MED13: variants seen among roughly 807,000 people sequenced by gnomAD.
MED13 encodes mediator complex subunit 13.
MED13 carries 23 observed loss-of-function variants against 225.2 expected under a neutral mutation model. The observed-to-expected ratio is 0.10, with a 90% confidence interval of 0.07 to 0.14. The LOEUF (loss-of-function observed/expected upper bound fraction) is 0.14, where lower values mean the gene tolerates loss of function less well. Among genes scored for constraint, MED13 ranks in the 10% least tolerant of loss-of-function variants. The pLI is 1.00. For missense variants in MED13, 2,197 were observed against 2,594.5 expected, an observed-to-expected ratio of 0.85 and a Z score of 3.33; for synonymous variants, 942 against 889.2, an observed-to-expected ratio of 1.06 and a Z score of -1.06.
At chr17:61,948,948 C>T (rs187325081) in intron 28 of MED13, among the ~76,000 whole-genome samples, 3 of 151,348 alleles carry the variant, frequency 2.0e-5, no homozygotes, top group African/African-American at 4.8e-5. Context: ...ATTAGCCGGG[C>T]GTAGTGGCGG....
intron 9 of MED13, among the ~76,000 whole-genome samples, chr17:61,995,989 G>C (rs527875071): frequency 3.7e-4 from 56 of 152,208 alleles, no homozygotes; most frequent in African/African-American, 1.2e-3. Context: ...TAAGTTATTA[G>C]TCTTCTGGTT....
chr17:62,001,018 T>C (rs928184906), intron 9 of MED13, among the ~76,000 whole-genome samples: 1 of 152,128 alleles, frequency 6.6e-6, no homozygotes, highest in Non-Finnish European at 1.5e-5. Context: ...CACCTCGGCC[T>C]CCCAAAGTGC....
rs2143263006 is a variant in MED13, at chr17:61,945,400, C to T, written c.*1068G>A. 1 of 152,610 alleles carries T rather than the reference C, an allele frequency of 6.6e-6. No individual in the cohort carries two copies. Among genetic ancestry groups the T allele is most frequent in the South Asian group, 2.1e-4 (1 of 4,818 alleles). The allele number at this position is 152,610 out of a possible 1,614,324, so 9.5% of individuals were successfully genotyped here. A position where few individuals can be genotyped will look rare whatever the true frequency, so the allele number is the denominator to read the frequency against. On this transcript the variant is annotated 3_prime_UTR_variant, in exon 30 of 30. Transcript: ENST00000397786. ...GAAAATAAATTTCATAATAATATTT[C>T]CATGCCTAAATATGCCACTGTTAAA...
At chr17:61,981,057 C>T (rs12450995) in intron 16 of MED13, among the ~76,000 whole-genome samples, 55,962 of 149,848 alleles carry the variant, frequency 0.37, 12,891 homozygotes, top group East Asian at 0.72. Flanking sequence ...AGTTTCACTC[C>T]TGTTGCCCAG....
intron 9 of MED13, among the ~76,000 whole-genome samples, chr17:62,001,430 C>G (rs1392819546): frequency 6.6e-6 from 1 of 152,176 alleles, no homozygotes; most frequent in African/African-American, 2.4e-5. Context: ...TTCAAGCAAC[C>G]TTTCAATAAC....
chr17:62,034,006 C>G, intron 4 of MED13, 22 bp from the exon 5 acceptor site: 2 of 1,597,042 alleles, frequency 1.3e-6, no homozygotes, highest in Non-Finnish European at 1.7e-6. Context: ...AAGCAGACAT[C>G]AAATAAGTAA....
Position 61,943,172 on chromosome 17 carries a change from A to T in MED13, c.*3296T>A, listed in dbSNP as rs1239044285. On this transcript the variant is annotated 3_prime_UTR_variant, in exon 30 of 30. Transcript: ENST00000397786. ...GGGACAAAATAAGAATGTATATTAA[A>T]AACATTTTTCCTTAATTCAGACAAA... The T allele has an allele frequency of 6.6e-6, 1 of 152,574 alleles. No homozygotes were observed. The highest frequency in any genetic ancestry group is 2.4e-5 in the African/African-American group (1 of 41,464). The allele number at this position is 152,574 out of a possible 1,614,324, so 9.5% of individuals were successfully genotyped here. A position where few individuals can be genotyped will look rare whatever the true frequency, so the allele number is the denominator to read the frequency against.
In MED13 at chr17:61,965,089, T is replaced by C. The variant is rs2080044031; in HGVS notation, c.4761A>G (p.Gln1587=). Residue 1587 remains glutamine, a synonymous_variant, in exon 20 of 30, where the codon CAA becomes CAG. Transcript: ENST00000397786. ...NTVQSGQLGG[Q]QTSALQTAGI... ...CAGCTGTCTGTAGAGCTGATGTCTG[T>C]TGCCCTCCTAGCTGACCACTCTGAA... The C allele has an allele frequency of 1.9e-6, 3 of 1,614,076 alleles. No individual in the cohort carries two copies. The highest frequency in any genetic ancestry group is 2.5e-6 in the Non-Finnish European group (3 of 1,180,024).
chr17:61,989,187 T>C (rs1220801878), intron 11 of MED13, among the ~76,000 whole-genome samples: 2 of 152,046 alleles, frequency 1.3e-5, no homozygotes, highest in East Asian at 1.9e-4. Flanking sequence ...ATTTTTTGTA[T>C]TATTAGTAGA....
chr17:61,963,222 A>G (rs1279809673), intron 20 of MED13, among the ~76,000 whole-genome samples: 1 of 144,490 alleles, frequency 6.9e-6, no homozygotes, highest in African/African-American at 2.7e-5. Context: ...AAAAAAAAAA[A>G]AAAAAAAAGA....
chr17:62,029,267 T>C (rs556027856), intron 8 of MED13: 5 of 430,648 alleles, frequency 1.2e-5, no homozygotes, highest in African/African-American at 4.0e-5. Context: ...ATACTATATA[T>C]ACCATAGCTC....
chr17:62,044,971 T>C (rs2080886534), intron 3 of MED13, among the ~76,000 whole-genome samples: 1 of 152,206 alleles, frequency 6.6e-6, no homozygotes, highest in African/African-American at 2.4e-5. Flanking sequence ...CTATATTGCC[T>C]TTTAAAATTG....
intron 12 of MED13, 34 bp from the exon 13 acceptor site, chr17:61,985,124 T>A (rs1353297425): frequency 6.5e-7 from 1 of 1,535,762 alleles, no homozygotes; most frequent in Non-Finnish European, 9.0e-7. Context: ...ATCTAAAATT[T>A]TACATCCAAT....
chr17:62,063,727 T>G (rs2081059691), intron 1 of MED13, among the ~76,000 whole-genome samples: 1 of 152,188 alleles, frequency 6.6e-6, no homozygotes, highest in East Asian at 1.9e-4. Flanking sequence ...ACGTCTCTAA[T>G]GAAAAGACAT....
chr17:62,015,908 C>CA (rs1301958288), intron 8 of MED13, among the ~76,000 whole-genome samples: 1 of 35,788 alleles, frequency 2.8e-5, no homozygotes, highest in African/African-American at 9.4e-5. Context: ...CACATACACA[C>CA]TATACACATA....
chr17:61,961,447 G>A, intron 22 of MED13, 141 bp downstream of exon 22: 1 of 739,342 alleles, frequency 1.4e-6, no homozygotes, highest in Non-Finnish European at 2.1e-6. Flanking sequence ...TTGAACCCAG[G>A]AGGCAGAGGT....
In MED13 at chr17:61,944,454, T is replaced by C. The variant is rs73334645; in HGVS notation, c.*2014A>G. ...TGTATTAGCATAATTTAAAAACAAA[T>C]GCAGAGAGGTGATCTTTAAATTTAA... On this transcript the variant is annotated 3_prime_UTR_variant, in exon 30 of 30. Coordinates refer to ENST00000397786, the MANE Select transcript of MED13 (RefSeq NM_005121.3). The C allele has an allele frequency of 6.4e-3, 969 of 151,302 alleles. 10 individuals carry two copies. The highest frequency in any genetic ancestry group is 0.022 in the African/African-American group (916 of 41,282). The allele number at this position is 151,302 out of a possible 1,614,324, so 9.4% of individuals were successfully genotyped here.
chr17:61,962,768 C>T lies in MED13; in HGVS notation c.5048G>A (p.Ser1683Asn), dbSNP rs2080013102. The T allele has an allele frequency of 1.2e-6, 2 of 1,613,846 alleles. No homozygotes were observed. The highest frequency in any genetic ancestry group is 2.2e-5 in the South Asian group (2 of 91,082). Residue 1683 changes from serine to asparagine, a missense_variant, in exon 21 of 30, where the codon AGT becomes AAT. Physicochemically the swap from Ser to Asn is conservative, Grantham distance 46. Around this residue, in one of 12 missense-constraint regions of MED13, gnomAD observed 457 missense variants for 442.2 expected, o/e 1.03. Transcript: ENST00000397786. ...MVQTLPPHIK[S>N]TVSVQIIPCQ... ...CACTCTTACCTGTACAGAAACAGTA[C>T]TCTTGATATGAGGAGGAAGAGTCTG...
intron 11 of MED13, among the ~76,000 whole-genome samples, chr17:61,988,881 A>G (rs1173729531): frequency 6.6e-6 from 1 of 152,168 alleles, no homozygotes; most frequent in African/African-American, 2.4e-5. Flanking sequence ...TATTAATTGT[A>G]GTAACCACAA....
Sources: gnomAD v4.1 joint callset for allele counts (sites outside exome capture counted in the v4.1 genomes callset) on GRCh38, gnomAD v4.1.1 for gene constraint, gnomAD v4.1.1 regional missense constraint, MANE v1.5 for transcripts, NCBI Gene and HGNC (gene_info 2026-07-23, HGNC 2026-07-21) for gene names.